Variants in LRRC36 observed in about 807,000 individuals in gnomAD.
LRRC36 encodes the protein leucine rich repeat containing 36, also known as leucine-rich repeat-containing protein 36.
LRRC36 carries 62 observed loss-of-function variants against 81.1 expected under a neutral mutation model. The ratio of observed to expected loss-of-function variants is 0.76; its 90% CI spans 0.62 to 0.94. LRRC36 has a LOEUF of 0.94. Ranked by LOEUF, LRRC36 falls within the 40% of genes least tolerant of loss-of-function variation. The pLI is 0.00. For synonymous variants in LRRC36, 334 were observed against 348.6 expected (o/e 0.96, Z 0.47); for missense variants, 761 against 881.7 (o/e 0.86, Z 1.73).
chr16:67,332,822 A>G (rs1438732140), intron 1 of LRRC36, among the ~76,000 whole-genome samples: 1 of 152,142 alleles, frequency 6.6e-6, no homozygotes, highest in Non-Finnish European at 1.5e-5. Flanking sequence ...TTAGATCATA[A>G]CATACCACAG....
intron 5 of LRRC36, among the ~76,000 whole-genome samples, chr16:67,353,932 T>C (rs1285666323): frequency 6.6e-6 from 1 of 152,168 alleles, no homozygotes; most frequent in Non-Finnish European, 1.5e-5. Flanking sequence ...TGCTGCCAGA[T>C]TAATTCTCTT....
intron 10 of LRRC36, among the ~76,000 whole-genome samples, chr16:67,375,830 A>G (rs1273588021): frequency 6.6e-6 from 1 of 152,220 alleles, no homozygotes. Context: ...AAAATCTCGA[A>G]TGAGTAAATG....
chr16:67,334,655 A>T (rs1021811999), intron 1 of LRRC36, among the ~76,000 whole-genome samples: 2 of 152,062 alleles, frequency 1.3e-5, no homozygotes, highest in Non-Finnish European at 2.9e-5. Flanking sequence ...TAACAGTTTT[A>T]CTAACCTAAA....
intron 9 of LRRC36, among the ~76,000 whole-genome samples, chr16:67,373,845 C>T (rs2039769903): frequency 6.6e-6 from 1 of 151,904 alleles, no homozygotes; most frequent in South Asian, 2.1e-4. Flanking sequence ...AACACTGTCT[C>T]CACTAAAAAT....
chr16:67,361,985 C>A (rs1184815623), intron 5 of LRRC36, among the ~76,000 whole-genome samples: 1 of 151,990 alleles, frequency 6.6e-6, no homozygotes, highest in Non-Finnish European at 1.5e-5. Context: ...AATCCCAACA[C>A]TTTAGGAAGC....
In LRRC36 at chr16:67,384,925, G is replaced by A. The variant is rs139373835; in HGVS notation, c.2101G>A (p.Gly701Ser). 1,532 of 1,614,196 alleles carry A rather than the reference G, an allele frequency of 9.5e-4. 2 individuals carry two copies. Among genetic ancestry groups the A allele is most frequent in the Non-Finnish European group, 1.2e-3 (1,388 of 1,180,040 alleles). Residue 701 changes from glycine (G) to serine (S), a missense_variant, in exon 14 of 14, where the codon GGT becomes AGT. Coordinates refer to ENST00000329956, the MANE Select transcript of LRRC36 (RefSeq NM_018296.6). ...GCAGCAGCTGAATAAGGAGCCAAAA[G>A]GTTATTCCGGGAAAGCGCTCCTGCC... ...LLQQLNKEPK[G>S]YSGKALLPPE...
At chr16:67,341,880 A>G in intron 1 of LRRC36, 77 bp from the exon 2 acceptor site, 1 of 1,232,102 alleles carries the variant, frequency 8.1e-7, no homozygotes, top group Non-Finnish European at 1.1e-6. Flanking sequence ...TATGGGAGGA[A>G]GAAAGGCCTA....
Position 67,330,264 on chromosome 16 carries a change from GTGATATCAGCCACTGAATA to G in LRRC36, c.70+3337_70+3355del, listed in dbSNP as rs540565331. 1.5e-4 allele frequency among the ~76,000 whole-genome samples: 23 copies of G among 151,690 alleles called. No homozygotes were observed. In the East Asian group the frequency reaches 4.1e-3, roughly 27 times the overall value. On this transcript the variant is annotated intron_variant, in intron 1 of 13. Transcript: ENST00000329956. ...ATGGTGCCTAGTGTTCTTTCTTTTC[GTGATATCAGCCACTGAATA>G]TGATTACCTAAGTTAATTCATTAGG...
chr16:67,381,790 C>T (rs936844817), intron 12 of LRRC36, among the ~76,000 whole-genome samples: 6 of 152,048 alleles, frequency 3.9e-5, no homozygotes, highest in African/African-American at 1.2e-4. Flanking sequence ...AGCTAATTGT[C>T]GTATTTTTAG....
chr16:67,384,696 G>A (rs1325856599), intron 13 of LRRC36, among the ~76,000 whole-genome samples, 174 bp from the exon 14 acceptor site: 1 of 152,186 alleles, frequency 6.6e-6, no homozygotes, highest in East Asian at 1.9e-4. Flanking sequence ...AAACAGAATT[G>A]TAATGAAGAA....
At chr16:67,343,163 T>G (rs1448827458) in intron 2 of LRRC36, among the ~76,000 whole-genome samples, 1 of 152,256 alleles carries the variant, frequency 6.6e-6, no homozygotes, top group Non-Finnish European at 1.5e-5. Context: ...CCTCTTTTGT[T>G]TGTTTATTCT....
At chr16:67,349,427 C>T (rs2038510989) in intron 4 of LRRC36, among the ~76,000 whole-genome samples, 1 of 152,032 alleles carries the variant, frequency 6.6e-6, no homozygotes, top group Non-Finnish European at 1.5e-5. Flanking sequence ...CTGATACATA[C>T]AGCCTAGGCT....
At chr16:67,347,277 A>T in intron 3 of LRRC36, 1 of 678,316 alleles carries the variant, frequency 1.5e-6, no homozygotes, top group Non-Finnish European at 2.3e-6. Context: ...AAGGGTAGTT[A>T]CAACTGTGAG....
Position 67,370,934 on chromosome 16 carries a change from T to A in LRRC36, c.1196-10T>A, listed in dbSNP as rs1234755561. 1 of 1,606,290 alleles carries A rather than the reference T, an allele frequency of 6.2e-7. No homozygotes were observed. Among genetic ancestry groups the A allele is most frequent in the Non-Finnish European group, 8.5e-7 (1 of 1,173,956 alleles). ...GGGCAGGTTCATCTGTTAGCCTGTT[T>A]CCTCCACAGATCTGTATGCCACAAC... On this transcript the variant is annotated splice_polypyrimidine_tract_variant and intron_variant, in intron 8 of 13. Coordinates refer to ENST00000329956, the MANE Select transcript of LRRC36 (RefSeq NM_018296.6).
At chr16:67,371,340 G>T in intron 9 of LRRC36, 98 bp downstream of exon 9, 1 of 1,398,142 alleles carries the variant, frequency 7.2e-7, no homozygotes, top group Non-Finnish European at 1.0e-6. Context: ...GACCAACAGG[G>T]CTAGAAATTC....
intron 13 of LRRC36, among the ~76,000 whole-genome samples, chr16:67,383,112 AG>A (rs1345164329): frequency 6.7e-6 from 1 of 150,026 alleles, no homozygotes; most frequent in Non-Finnish European, 1.5e-5. Flanking sequence ...CCCAGGATAC[AG>A]GCAAGGCAAA....
At chr16:67,361,380 G>A (rs1187961634) in intron 5 of LRRC36, among the ~76,000 whole-genome samples, 1 of 151,996 alleles carries the variant, frequency 6.6e-6, no homozygotes, top group East Asian at 1.9e-4. Context: ...TTCCAAAGTG[G>A]CCAGAACTGG....
intron 4 of LRRC36, among the ~76,000 whole-genome samples, chr16:67,349,009 T>C (rs979447615): frequency 1.3e-5 from 2 of 152,194 alleles, no homozygotes; most frequent in African/African-American, 4.8e-5. Flanking sequence ...ATCAGATTTA[T>C]TGAGGTTACT....
chr16:67,381,202 T>C (rs1178562864), intron 12 of LRRC36, among the ~76,000 whole-genome samples: 2 of 127,312 alleles, frequency 1.6e-5, no homozygotes, highest in Non-Finnish European at 3.1e-5. Flanking sequence ...TCAGCCAGCC[T>C]GGGCAACAAG....
Sources: gnomAD v4.1 joint callset for allele counts (sites outside exome capture counted in the v4.1 genomes callset) on GRCh38, gnomAD v4.1.1 for gene constraint, MANE v1.5 for transcripts, NCBI Gene and HGNC (gene_info 2026-07-23, HGNC 2026-07-21) for gene names.